The following EPB41L2 variants were observed in gnomAD, a reference collection of about 807,000 sequenced individuals.
EPB41L2 encodes the protein erythrocyte membrane protein band 4.1 like 2.
A neutral mutation model predicts 113.0 loss-of-function variants in EPB41L2; 43 were observed. That is an observed-to-expected ratio of 0.38 (90% confidence interval 0.30 to 0.49). EPB41L2 has a LOEUF of 0.49. Ranked by LOEUF, EPB41L2 falls within the 20% of genes least tolerant of loss-of-function variation. The probability of loss-of-function intolerance (pLI) is 0.95; values close to 1 mark genes in which losing one functional copy is unlikely to be tolerated. For synonymous variants in EPB41L2, 442 were observed against 436.7 expected, an observed-to-expected ratio of 1.01 and a Z score of -0.15; for missense variants, 1,147 against 1,223.4, an observed-to-expected ratio of 0.94 and a Z score of 0.93.
intron 16 of EPB41L2, 116 bp from the exon 17 acceptor site, chr6:130,865,750 G>A: frequency 9.4e-7 from 1 of 1,061,732 alleles, no homozygotes; most frequent in South Asian, 1.5e-5. Context: ...TTGCGTGTTT[G>A]CAGTAGTAAT....
At chr6:131,038,440 A>G (rs1793786851) in intron 1 of EPB41L2, among the ~76,000 whole-genome samples, 9 of 152,198 alleles carry the variant, frequency 5.9e-5, no homozygotes, top group Admixed American at 4.6e-4. Flanking sequence ...GAATAACTTT[A>G]TTTACTAGAT....
At chr6:130,939,185 T>C (rs1043811621) in intron 3 of EPB41L2, among the ~76,000 whole-genome samples, 2 of 151,982 alleles carry the variant, frequency 1.3e-5, no homozygotes, top group African/African-American at 2.4e-5. Flanking sequence ...CACAAAACTA[T>C]ATATAATAAA....
At chr6:130,974,764 C>A (rs919436287) in intron 1 of EPB41L2, among the ~76,000 whole-genome samples, 3 of 107,186 alleles carry the variant, frequency 2.8e-5, no homozygotes, top group African/African-American at 1.1e-4. Context: ...CTTGCTCTGA[C>A]TCCCAGGCTG....
chr6:130,931,378 T>C (rs1206514849), intron 3 of EPB41L2, among the ~76,000 whole-genome samples: 1 of 152,000 alleles, frequency 6.6e-6, no homozygotes. Flanking sequence ...AAAGAAGGAC[T>C]GAGAAGGAAA....
chr6:131,028,712 A>G (rs1199818954), intron 1 of EPB41L2, among the ~76,000 whole-genome samples: 2 of 152,190 alleles, frequency 1.3e-5, no homozygotes, highest in Non-Finnish European at 2.9e-5. Context: ...TTTCATGGAA[A>G]ATTCTTCAGG....
At chr6:130,865,313 G>A (rs990330062) in intron 17 of EPB41L2, among the ~76,000 whole-genome samples, 13 of 152,008 alleles carry the variant, frequency 8.6e-5, no homozygotes, top group Admixed American at 3.3e-4. Context: ...ATAGCTATTC[G>A]TAACATATTT....
chr6:130,855,283 G>A (rs1033451207), intron 19 of EPB41L2, among the ~76,000 whole-genome samples: 13 of 148,814 alleles, frequency 8.7e-5, no homozygotes, highest in Non-Finnish European at 1.3e-4. Context: ...CCTGGGAGGC[G>A]GAGGTTGAAG....
intron 1 of EPB41L2, among the ~76,000 whole-genome samples, chr6:131,002,549 A>C (rs1232175474): frequency 6.6e-6 from 1 of 152,242 alleles, no homozygotes; most frequent in Admixed American, 6.5e-5. Context: ...TTCCTACAGG[A>C]ATTCAGCAAA....
At chr6:131,053,352 A>G (rs1215401253) in intron 1 of EPB41L2, among the ~76,000 whole-genome samples, 1 of 149,484 alleles carries the variant, frequency 6.7e-6, no homozygotes, top group Non-Finnish European at 1.5e-5. Flanking sequence ...TTACTACTTG[A>G]GACCATCACT....
intron 4 of EPB41L2, among the ~76,000 whole-genome samples, chr6:130,917,628 T>G (rs555116103): frequency 1.3e-5 from 2 of 152,296 alleles, no homozygotes; most frequent in African/African-American, 4.8e-5. Flanking sequence ...CCTTGTCGTA[T>G]CTGGAGCTGA....
At chr6:130,879,701 CAA>C (rs11351978) in intron 13 of EPB41L2, among the ~76,000 whole-genome samples, 7 of 151,976 alleles carry the variant, frequency 4.6e-5, no homozygotes, top group African/African-American at 1.7e-4. Context: ...GGATTTTAAC[CAA>C]AAAAAACAAA....
At chr6:131,053,733 T>C (rs1172724829) in intron 1 of EPB41L2, among the ~76,000 whole-genome samples, 3 of 152,256 alleles carry the variant, frequency 2.0e-5, no homozygotes, top group Non-Finnish European at 4.4e-5. Flanking sequence ...TTTGCCAACA[T>C]TCTACATTTA....
At position 130,931,573 on chromosome 6, in the gene EPB41L2, G is replaced by C. The variant is rs77721613; in HGVS notation, c.706-4864C>G. 0.02 allele frequency among the ~76,000 whole-genome samples: 3,057 copies of C among 152,116 alleles called. 199 individuals carry two copies. In the East Asian group the frequency reaches 0.26, roughly 13 times the overall value. ...AATGTTCCAAGTTATAACATTTATA[G>C]CACTAATGTTCAATCAAACTCGATT... On this transcript the variant is annotated intron_variant, in intron 3 of 19. Coordinates refer to ENST00000337057, the MANE Select transcript of EPB41L2 (RefSeq NM_001431.4).
intron 1 of EPB41L2, among the ~76,000 whole-genome samples, chr6:131,045,441 G>A (rs1043354923): frequency 2.8e-5 from 4 of 141,682 alleles, no homozygotes; most frequent in Non-Finnish European, 4.9e-5. Context: ...GACTTAGCCT[G>A]GAGAGAGATA....
At chr6:130,968,652 T>A (rs558469437) in intron 1 of EPB41L2, among the ~76,000 whole-genome samples, 43 of 151,842 alleles carry the variant, frequency 2.8e-4, no homozygotes, top group African/African-American at 9.9e-4. Context: ...CCTGGCTTGA[T>A]AAGAGCAACT....
intron 19 of EPB41L2, among the ~76,000 whole-genome samples, chr6:130,842,389 T>C (rs761835): frequency 0.76 from 115,997 of 152,086 alleles, 44,798 homozygotes; most frequent in East Asian, 1. Flanking sequence ...ATGGATACAA[T>C]TACCAATCAA....
intron 1 of EPB41L2, among the ~76,000 whole-genome samples, chr6:130,988,552 C>G (rs1318336739): frequency 1.3e-5 from 2 of 151,898 alleles, no homozygotes; most frequent in African/African-American, 4.8e-5. Flanking sequence ...TGAGGGGTGG[C>G]GGGGGAGACT....
intron 1 of EPB41L2, among the ~76,000 whole-genome samples, chr6:131,055,892 C>T (rs749397776): frequency 4.6e-5 from 7 of 152,008 alleles, no homozygotes; most frequent in Non-Finnish European, 8.8e-5. Flanking sequence ...AAGCTTCAGG[C>T]CTTACAGGAT....
intron 12 of EPB41L2, chr6:130,881,005 T>TA (rs1789135483): frequency 6.6e-6 from 1 of 152,396 alleles, no homozygotes; most frequent in Non-Finnish European, 1.5e-5. Flanking sequence ...GGTGGGTATT[T>TA]AAAAATAATC....
Sources: gnomAD v4.1 joint callset for allele counts (sites outside exome capture counted in the v4.1 genomes callset) on GRCh38, gnomAD v4.1.1 for gene constraint, MANE v1.5 for transcripts, NCBI Gene and HGNC (gene_info 2026-07-23, HGNC 2026-07-21) for gene names.